Variants in CALD1 observed in about 807,000 individuals in gnomAD.
CALD1 encodes caldesmon.
A neutral mutation model predicts 99.9 loss-of-function variants in CALD1; 33 were observed. The ratio of observed to expected loss-of-function variants is 0.33; its 90% CI spans 0.25 to 0.44. The LOEUF (loss-of-function observed/expected upper bound fraction) is 0.44, where lower values mean the gene tolerates loss of function less well. Among genes scored for constraint, CALD1 ranks in the 20% least tolerant of loss-of-function variants. The probability of loss-of-function intolerance (pLI) is 1.00; values close to 1 mark genes in which losing one functional copy is unlikely to be tolerated. For synonymous variants in CALD1, 310 were observed against 325.0 expected (o/e 0.95, Z 0.50); for missense variants, 861 against 962.1 (o/e 0.89, Z 1.39).
At chr7:134,885,312 A>G (rs1040931898) in intron 3 of CALD1, among the ~76,000 whole-genome samples, 1 of 152,220 alleles carries the variant, frequency 6.6e-6, no homozygotes, top group Non-Finnish European at 1.5e-5. Flanking sequence ...AACAGAACCT[A>G]ATAAAGTGTT....
chr7:134,821,633 A>G (rs1586028613), intron 1 of CALD1, among the ~76,000 whole-genome samples: 2 of 75,638 alleles, frequency 2.6e-5, no homozygotes, highest in African/African-American at 4.6e-5. Context: ...CCCAGGCTGG[A>G]GTGCAATGGC....
chr7:134,767,534 T>C (rs1436003190), intron 1 of CALD1, among the ~76,000 whole-genome samples: 1 of 152,228 alleles, frequency 6.6e-6, no homozygotes, highest in Admixed American at 6.5e-5. Flanking sequence ...AAGCCAATTA[T>C]AAGATTGGCT....
intron 6 of CALD1, among the ~76,000 whole-genome samples, chr7:134,939,946 A>C (rs1490764085): frequency 6.6e-6 from 1 of 152,154 alleles, no homozygotes; most frequent in African/African-American, 2.4e-5. Context: ...CCTGGGCAAC[A>C]GAGCAAGACT....
intron 1 of CALD1, among the ~76,000 whole-genome samples, chr7:134,842,968 C>T (rs1799709435): frequency 1.3e-5 from 2 of 152,190 alleles, no homozygotes; most frequent in African/African-American, 4.8e-5. Context: ...AAACTCATTT[C>T]TCCCCATGCC....
Position 134,968,383 on chromosome 7 carries a change from C to G in CALD1, c.*38C>G, listed in dbSNP as rs374505727. 2 of 1,602,642 alleles carry G rather than the reference C, an allele frequency of 1.2e-6. No homozygotes were observed. Among genetic ancestry groups the G allele is most frequent in the Admixed American group, 1.7e-5 (1 of 59,988 alleles). The stretch of plus-strand genomic sequence containing the variant: ...AAGAACCCAAGCTCAAGACGCAGGA[C>G]GAGCTCAGTTGTAGAGGGCTAATTC... On this transcript the variant is annotated 3_prime_UTR_variant, in exon 15 of 15. Transcript: ENST00000361675.
In CALD1 at chr7:134,933,382, G is replaced by C. The variant is rs777998039; in HGVS notation, c.613G>C (p.Glu205Gln). 9.9e-6 allele frequency: 16 copies of C among 1,611,066 alleles called. No individual in the cohort carries two copies. Among genetic ancestry groups the C allele is most frequent in the Non-Finnish European group, 1.4e-5 (16 of 1,178,464 alleles). Reference sequence around the variant, plus strand: ...GAAGCCAAAGCGAGGGAGCATTGGAGAAAATCAGGTAGAGGTGATGGTGGA... The same window carrying C: ...GAAGCCAAAGCGAGGGAGCATTGGACAAAATCAGGTAGAGGTGATGGTGGA... ...EEKPKRGSIG[E>Q]NQVEVMVEEK... Residue 205 changes from glutamate to glutamine, a missense_variant, in exon 5 of 15, where the codon GAA becomes CAA. This residue lies in a region of CALD1 where 234 missense variants were observed against 233.1 expected (regional missense o/e 1.00). Coordinates refer to ENST00000361675, the MANE Select transcript of CALD1 (RefSeq NM_033138.4).
chr7:134,954,326 A>T (rs1355346049), intron 9 of CALD1, among the ~76,000 whole-genome samples: 2 of 152,234 alleles, frequency 1.3e-5, no homozygotes, highest in African/African-American at 4.8e-5. Context: ...GGTGTGGAGT[A>T]ACGAGAGCAC....
chr7:134,779,755 G>A lies in CALD1; in HGVS notation c.-130+6G>A, dbSNP rs923405930. 51 of 398,474 alleles carry A rather than the reference G, an allele frequency of 1.3e-4. No individual in the cohort carries two copies. The Middle Eastern group carries it at 1.9e-3, about 15-fold the overall frequency. 24.7% of individuals were successfully genotyped at this position (398,474 alleles called of 1,614,324 possible). On this transcript the variant is annotated splice_donor_region_variant and intron_variant, in intron 1 of 14. Coordinates refer to ENST00000361675, the MANE Select transcript of CALD1 (RefSeq NM_033138.4). ...AAGAAGTTTCAGACTACAAGGTAAG[G>A]CACAGAAGGCTTTCTTTTTTATCTT...
At position 134,960,622 on chromosome 7, in the gene CALD1, A is replaced by G; in HGVS notation, c.2289A>G (p.Lys763=). Residue 763 remains lysine, a synonymous_variant, in exon 13 of 15, where the codon AAA becomes AAG. Transcript: ENST00000361675. ...TPDGNKSPAP[K]PSDLRPGDVS... The stretch of plus-strand genomic sequence containing the variant: ...ATGGAAACAAGTCACCTGCTCCCAA[A>G]CCTTCTGTAAGTACCTTTAGGTTTT... 6.2e-7 allele frequency: 1 copy of G among 1,602,012 alleles called. No homozygotes were observed. Among genetic ancestry groups the G allele is most frequent in the East Asian group, 2.2e-5 (1 of 44,790 alleles).
At chr7:134,778,006 T>C (rs1008371358), upstream of CALD1, among the ~76,000 whole-genome samples, 1 of 152,196 alleles carries the variant, frequency 6.6e-6, no homozygotes, top group Non-Finnish European at 1.5e-5. Context: ...GTACCTGAAA[T>C]GCAACATTGA....
At chr7:134,831,287 A>G (rs1799209006) in intron 1 of CALD1, among the ~76,000 whole-genome samples, 1 of 152,146 alleles carries the variant, frequency 6.6e-6, no homozygotes, top group Non-Finnish European at 1.5e-5. Flanking sequence ...GGTGGGAAGG[A>G]TGAAAAGAGA....
At chr7:134,714,784 G>T in the CALD1 span, among the ~76,000 whole-genome samples, 2,689 of 152,280 alleles carry the variant, frequency 0.018, 83 homozygotes, top group African/African-American at 0.059. Context: ...AGGTTTTGTG[G>T]TGGAAAGGGG....
At chr7:134,818,937 A>C (rs1447908544) in intron 1 of CALD1, among the ~76,000 whole-genome samples, 1 of 152,180 alleles carries the variant, frequency 6.6e-6, no homozygotes, top group East Asian at 1.9e-4. Flanking sequence ...AAAACACAGG[A>C]GACTGGGTGC....
At chr7:134,779,276 T>G (rs1797011205), upstream of CALD1, 1 of 169,254 alleles carries the variant, frequency 5.9e-6, no homozygotes, top group Admixed American at 6.3e-5. Context: ...TCTCCAAGAT[T>G]AACATTTCTT....
At chr7:134,729,095 G>T in the CALD1 span, among the ~76,000 whole-genome samples, 216 of 152,074 alleles carry the variant, frequency 1.4e-3, no homozygotes, top group Admixed American at 2.9e-3. Context: ...CAAGTGACCT[G>T]CCCACCTCAG....
At chr7:134,837,235 A>G (rs1425435192) in intron 1 of CALD1, among the ~76,000 whole-genome samples, 2 of 152,226 alleles carry the variant, frequency 1.3e-5, no homozygotes, top group African/African-American at 4.8e-5. Flanking sequence ...AGGCAGAGAA[A>G]GAAGCTGATA....
Position 134,928,739 on chromosome 7 carries a change from T to A in CALD1, c.72-15T>A, listed in dbSNP as rs1162283153. 1.2e-6 allele frequency: 2 copies of A among 1,611,662 alleles called. No homozygotes were observed. Among genetic ancestry groups the A allele is most frequent in the African/African-American group, 1.3e-5 (1 of 74,884 alleles). The stretch of plus-strand genomic sequence containing the variant: ...CAAGTGGCACGCTCAAGAGGTTGTC[T>A]TTGTAATGTTGCAGAATCGCCTACC... On this transcript the variant is annotated splice_polypyrimidine_tract_variant and intron_variant, in intron 3 of 14. Coordinates refer to ENST00000361675, the MANE Select transcript of CALD1 (RefSeq NM_033138.4).
intron 6 of CALD1, among the ~76,000 whole-genome samples, chr7:134,936,210 C>T (rs1805960770): frequency 6.6e-6 from 1 of 152,130 alleles, no homozygotes; most frequent in Non-Finnish European, 1.5e-5. Flanking sequence ...AGGAAAAACA[C>T]CCACACACAT....
chr7:134,787,930 G>T (rs1294797158), intron 1 of CALD1, among the ~76,000 whole-genome samples: 1 of 152,162 alleles, frequency 6.6e-6, no homozygotes, highest in Admixed American at 6.5e-5. Flanking sequence ...AGCAGAGCTT[G>T]TTGGAGAAGA....
Sources: gnomAD v4.1 joint callset for allele counts (sites outside exome capture counted in the v4.1 genomes callset) on GRCh38, gnomAD v4.1.1 for gene constraint, gnomAD v4.1.1 regional missense constraint, MANE v1.5 for transcripts, NCBI Gene and HGNC (gene_info 2026-07-23, HGNC 2026-07-21) for gene names.